BTRC: variants seen among roughly 807,000 people sequenced by gnomAD.
BTRC encodes F-box/WD repeat-containing protein 1A.
Under a neutral mutation model 85.5 loss-of-function variants are expected in BTRC, and 42 were observed. The ratio of observed to expected loss-of-function variants is 0.49; its 90% confidence interval spans 0.38 to 0.64. The LOEUF (loss-of-function observed/expected upper bound fraction) is 0.64, where lower values mean the gene tolerates loss of function less well. Among genes scored for constraint, BTRC ranks in the 30% least tolerant of loss-of-function variants. The pLI is 0.00. For synonymous variants in BTRC, 255 were observed against 263.3 expected, an observed-to-expected ratio of 0.97 and a Z score of 0.30; for missense variants, 594 against 743.5, an observed-to-expected ratio of 0.80 and a Z score of 2.34.
intron 1 of BTRC, among the ~76,000 whole-genome samples, chr10:101,380,700 A>G (rs1419842212): frequency 6.6e-6 from 1 of 152,190 alleles, no homozygotes; most frequent in Non-Finnish European, 1.5e-5. Flanking sequence ...GATTGAAACC[A>G]CTATTGGCAT....
intron 1 of BTRC, among the ~76,000 whole-genome samples, chr10:101,358,222 G>A (rs963069892): frequency 3.9e-5 from 6 of 151,966 alleles, no homozygotes; most frequent in Admixed American, 3.3e-4. Flanking sequence ...CTGCCTCGGC[G>A]TCTCAAGTGG....
chr10:101,515,338 T>TTA (rs2062009334), intron 4 of BTRC, among the ~76,000 whole-genome samples: 1 of 152,042 alleles, frequency 6.6e-6, no homozygotes, highest in Non-Finnish European at 1.5e-5. Flanking sequence ...CGAGTTAATT[T>TTA]GCCTGCTGAG....
chr10:101,526,897 G>A (rs754750779), intron 6 of BTRC, among the ~76,000 whole-genome samples: 20 of 152,080 alleles, frequency 1.3e-4, no homozygotes, highest in Admixed American at 8.5e-4. Flanking sequence ...ACTTAATTCC[G>A]AATTCCCCAA....
At chr10:101,411,851 C>T (rs1371313561) in intron 1 of BTRC, among the ~76,000 whole-genome samples, 2 of 152,000 alleles carry the variant, frequency 1.3e-5, no homozygotes, top group African/African-American at 4.8e-5. Context: ...TTTTAAAAAT[C>T]TTTTTAAAAG....
At position 101,456,040 on chromosome 10, in the gene BTRC, G is replaced by A. The variant is rs185533669; in HGVS notation, c.157-5941G>A. ...CACAAAATTAGCTGGGCATGGTGGC[G>A]CATGCCTGTAATCCCAGCTACTCGG... is the stretch of plus-strand genomic sequence containing the variant. On this transcript the variant is annotated intron_variant, in intron 2 of 14. Transcript: ENST00000370187. Among the ~76,000 whole-genome samples, 616 of 80,148 alleles carry A rather than the reference G, an allele frequency of 7.7e-3. 3 individuals are homozygous for A. Among genetic ancestry groups the A allele is most frequent in the Admixed American group, 0.018 (145 of 8,160 alleles). 52.6% of individuals were successfully genotyped at this position (80,148 alleles called of 152,430 possible).
chr10:101,519,152 C>G (rs921405991), intron 4 of BTRC, among the ~76,000 whole-genome samples: 10 of 147,780 alleles, frequency 6.8e-5, no homozygotes, highest in African/African-American at 2.5e-4. Context: ...GATCTCTCCT[C>G]ACTGCAATCT....
At chr10:101,516,715 G>A (rs1024867475) in intron 4 of BTRC, among the ~76,000 whole-genome samples, 1 of 152,026 alleles carries the variant, frequency 6.6e-6, no homozygotes, top group African/African-American at 2.4e-5. Flanking sequence ...AAATCCTTAG[G>A]CAGTTTTACC....
chr10:101,404,141 C>T (rs1040261666), intron 1 of BTRC, among the ~76,000 whole-genome samples: 1 of 148,934 alleles, frequency 6.7e-6, no homozygotes, highest in Admixed American at 6.7e-5. Flanking sequence ...CGCCATTCTC[C>T]TGCCTCAGCC....
chr10:101,493,572 CTGTGGTGTCTATTGAATGTTA>C (rs1946187564), intron 4 of BTRC, among the ~76,000 whole-genome samples: 1 of 152,194 alleles, frequency 6.6e-6, no homozygotes, highest in Non-Finnish European at 1.5e-5. Flanking sequence ...AAAACATTCT[CTGTGGTGTCTATTGAATGTTA>C]ACAATTTACT....
intron 4 of BTRC, among the ~76,000 whole-genome samples, chr10:101,493,797 A>G (rs887696146): frequency 6.6e-6 from 1 of 152,226 alleles, no homozygotes; most frequent in African/African-American, 2.4e-5. Context: ...TGTTAATTGA[A>G]CCTTGTAATC....
chr10:101,467,535 T>G (rs1945411097), intron 3 of BTRC, among the ~76,000 whole-genome samples: 1 of 152,144 alleles, frequency 6.6e-6, no homozygotes, highest in Non-Finnish European at 1.5e-5. Flanking sequence ...CAAGGTGTAA[T>G]TGCAATATGA....
Position 101,532,409 on chromosome 10 carries a change from G to A in BTRC, c.955G>A (p.Gly319Ser). ...LQYDDQKIVS[G>S]LRDNTIKIWD... ...GTATGATGATCAGAAAATAGTAAGC[G>A]GCCTTCGAGACAACACAATCAAGGT... The change falls in exon 8 of 15, where the codon GGC becomes AGC. Residue 319 changes from glycine (G) to serine (S), a missense_variant. By Grantham distance (56) the Gly-to-Ser change is moderately conservative. Transcript: ENST00000370187. The A allele has an allele frequency of 1.2e-6, 2 of 1,611,912 alleles. No individual in the cohort carries two copies. Among genetic ancestry groups the A allele is most frequent in the Non-Finnish European group, 1.7e-6 (2 of 1,179,294 alleles).
chr10:101,409,419 A>G (rs930812076), intron 1 of BTRC, among the ~76,000 whole-genome samples: 11 of 152,214 alleles, frequency 7.2e-5, no homozygotes, highest in Admixed American at 2.6e-4. Context: ...TTATGGCTGA[A>G]TAATATTCCA....
At chr10:101,450,238 T>G (rs1426972192) in intron 2 of BTRC, among the ~76,000 whole-genome samples, 2 of 152,234 alleles carry the variant, frequency 1.3e-5, no homozygotes, top group Admixed American at 1.3e-4. Context: ...CTGTGTAATA[T>G]CGCTCCTATT....
intron 1 of BTRC, among the ~76,000 whole-genome samples, chr10:101,399,360 C>G (rs1415962259): frequency 7.3e-6 from 1 of 137,174 alleles, no homozygotes. Flanking sequence ...TTTTAAAAAG[C>G]TCATTCCCTT....
intron 1 of BTRC, among the ~76,000 whole-genome samples, chr10:101,403,313 A>G (rs1299921783): frequency 6.6e-6 from 1 of 152,210 alleles, no homozygotes; most frequent in East Asian, 1.9e-4. Flanking sequence ...GATGGCCAGT[A>G]AGGCCCCATA....
chr10:101,356,712 G>A lies in BTRC; in HGVS notation c.48+2484G>A, dbSNP rs1209524366. On this transcript the variant is annotated intron_variant, in intron 1 of 14. Coordinates refer to ENST00000370187, the MANE Select transcript of BTRC (RefSeq NM_033637.4). ...ACCTTAATAAAAGAAACAGAGAATG[G>A]AGAGTTTGAGATTGGGTATTCTCTT... Among the ~76,000 whole-genome samples, 3 of 152,194 alleles carry A rather than the reference G, an allele frequency of 2.0e-5. No homozygotes were observed. In the South Asian group the frequency reaches 6.2e-4, roughly 32 times the overall value.
intron 4 of BTRC, among the ~76,000 whole-genome samples, chr10:101,516,871 G>A (rs2062031657): frequency 6.6e-6 from 1 of 152,124 alleles, no homozygotes; most frequent in Admixed American, 6.6e-5. Flanking sequence ...CCAGAAAACA[G>A]TACTCCAGTA....
At chr10:101,383,054 GA>G (rs1942975993) in intron 1 of BTRC, among the ~76,000 whole-genome samples, 1 of 115,010 alleles carries the variant, frequency 8.7e-6, no homozygotes, top group South Asian at 3.1e-4. Flanking sequence ...GCCTTCCCTG[GA>G]GATTTTTTTT....
Sources: gnomAD v4.1 joint callset for allele counts (sites outside exome capture counted in the v4.1 genomes callset) on GRCh38, gnomAD v4.1.1 for gene constraint, MANE v1.5 for transcripts, NCBI Gene and HGNC (gene_info 2026-07-23, HGNC 2026-07-21) for gene names.